The following CDH4 variants were observed in gnomAD, a reference collection of about 807,000 sequenced individuals.
CDH4 encodes the protein cadherin 4, also known as cadherin-4.
CDH4 carries 33 observed loss-of-function variants against 86.0 expected under a neutral mutation model. That is an observed-to-expected ratio of 0.38 (90% CI 0.29 to 0.51). The LOEUF is 0.51. Ranked by LOEUF, CDH4 falls within the 20% of genes least tolerant of loss-of-function variation. CDH4 has a pLI of 0.86. For missense variants in CDH4, 1,114 were observed against 1,307.4 expected, an observed-to-expected ratio of 0.85 and a Z score of 2.28; for synonymous variants, 555 against 549.4, an observed-to-expected ratio of 1.01 and a Z score of -0.14.
intron 3 of CDH4, among the ~76,000 whole-genome samples, chr20:61,758,331 C>T (rs567215036): frequency 4.6e-5 from 7 of 152,308 alleles, no homozygotes; most frequent in East Asian, 1.9e-4. Context: ...CCAGTCACAA[C>T]GTAATTACTC....
chr20:61,570,540 C>T, intron 2 of CDH4: 1 of 635,040 alleles, frequency 1.6e-6, no homozygotes, highest in South Asian at 1.8e-5. Context: ...CAAGGCACCT[C>T]TGCTTTACAT....
rs113295167 is a variant in CDH4, at chr20:61,623,168, G to C, written c.170-120395G>C. On this transcript the variant is annotated intron_variant, in intron 2 of 15. Coordinates refer to ENST00000614565, the MANE Select transcript of CDH4 (RefSeq NM_001794.5). The surrounding 1 kb of genome is among the most constrained non-coding windows in gnomAD (Gnocchi z 4.4). ...TGAGGATGTGGAGGTGGGAGTAGAA[G>C]GGCCTGGGTTCAAATCTCGACCCTG... 3.2e-3 allele frequency among the ~76,000 whole-genome samples: 482 copies of C among 152,294 alleles called. 1 individual carries two copies. The highest frequency in any genetic ancestry group is 0.011 in the African/African-American group (450 of 41,546).
At chr20:61,771,636 A>AAG (rs2088777213) in intron 3 of CDH4, among the ~76,000 whole-genome samples, 1 of 151,738 alleles carries the variant, frequency 6.6e-6, no homozygotes, top group Non-Finnish European at 1.5e-5. Flanking sequence ...AAAAAAAAAA[A>AAG]AAGGAAAAAA....
intron 2 of CDH4, among the ~76,000 whole-genome samples, chr20:61,587,164 G>A (rs2086483471): frequency 1.3e-5 from 2 of 152,216 alleles, no homozygotes; most frequent in Admixed American, 1.3e-4. Flanking sequence ...GCCCAGTGGG[G>A]AGGACAAGGA....
intron 2 of CDH4, among the ~76,000 whole-genome samples, chr20:61,548,534 T>A (rs1304665481): frequency 6.6e-6 from 1 of 152,160 alleles, no homozygotes; most frequent in Non-Finnish European, 1.5e-5. Context: ...CAAGCAGAAT[T>A]CTTGGGGCAA....
At chr20:61,592,755 C>G (rs1568701730) in intron 2 of CDH4, among the ~76,000 whole-genome samples, 1 of 152,170 alleles carries the variant, frequency 6.6e-6, no homozygotes, top group Non-Finnish European at 1.5e-5. Flanking sequence ...ACCCAGCACA[C>G]TGCCGTCATG....
At chr20:61,746,866 G>T (rs928284411) in intron 3 of CDH4, among the ~76,000 whole-genome samples, 1 of 152,206 alleles carries the variant, frequency 6.6e-6, no homozygotes, top group African/African-American at 2.4e-5. Context: ...GAGGAGGCAG[G>T]CAGGGAGTGG....
chr20:61,334,745 G>A (rs917418585), intron 2 of CDH4, among the ~76,000 whole-genome samples: 19 of 152,224 alleles, frequency 1.2e-4, no homozygotes, highest in Admixed American at 4.6e-4. Flanking sequence ...CAGGGCCTCC[G>A]TCTGTAGCCC....
intron 2 of CDH4, among the ~76,000 whole-genome samples, chr20:61,257,465 C>T (rs764451227): frequency 2.0e-5 from 3 of 152,242 alleles, no homozygotes; most frequent in Non-Finnish European, 4.4e-5. Context: ...AGCGGAGCCG[C>T]GAAGTATGGA....
chr20:61,589,635 C>T (rs2086502686), intron 2 of CDH4, among the ~76,000 whole-genome samples: 1 of 152,028 alleles, frequency 6.6e-6, no homozygotes, highest in African/African-American at 2.4e-5. Flanking sequence ...TGCTGGATGG[C>T]AAGGATTCAT....
chr20:61,434,378 C>T (rs757574345), intron 2 of CDH4, among the ~76,000 whole-genome samples: 3 of 152,194 alleles, frequency 2.0e-5, no homozygotes, highest in African/African-American at 4.8e-5. Flanking sequence ...CAACTCTAAG[C>T]CCCGAGTTAA....
At chr20:61,705,793 G>A (rs551159152) in intron 2 of CDH4, among the ~76,000 whole-genome samples, 4 of 152,214 alleles carry the variant, frequency 2.6e-5, no homozygotes, top group Non-Finnish European at 2.9e-5. Context: ...CTGCAGAATC[G>A]CCGACAGGCT....
At chr20:61,691,839 C>T (rs1198057399) in intron 2 of CDH4, among the ~76,000 whole-genome samples, 1 of 152,180 alleles carries the variant, frequency 6.6e-6, no homozygotes, top group African/African-American at 2.4e-5. Context: ...GACGTCCTTA[C>T]GCAGCACATG....
chr20:61,559,644 G>A (rs1371296615), intron 2 of CDH4, among the ~76,000 whole-genome samples: 5 of 146,808 alleles, frequency 3.4e-5, no homozygotes, highest in Admixed American at 1.4e-4. Context: ...TCAGCCTCCC[G>A]AGTAGCTGGG....
Position 61,814,453 on chromosome 20 carries a change from A to T in CDH4, c.577-30215A>T, listed in dbSNP as rs368122374. Among the ~76,000 whole-genome samples, 10 of 152,298 alleles carry T rather than the reference A, an allele frequency of 6.6e-5. No individual in the cohort carries two copies. In the East Asian group the frequency reaches 9.7e-4, roughly 15 times the overall value. ...CCTGGGAGGCTGCGGCCGCTCGACG[A>T]CGATCCCTGCAGACCCAGCCCCTCA... is the stretch of plus-strand genomic sequence containing the variant. On this transcript the variant is annotated intron_variant, in intron 4 of 15. Transcript: ENST00000614565.
At position 61,626,243 on chromosome 20, in the gene CDH4, G is replaced by A. The variant is rs535156619; in HGVS notation, c.170-117320G>A. Among the ~76,000 whole-genome samples, 154 of 152,282 alleles carry A rather than the reference G, an allele frequency of 1.0e-3. 2 individuals are homozygous for A. Among genetic ancestry groups the A allele is most frequent in the African/African-American group, 3.5e-3 (147 of 41,556 alleles). ...AACGGCGGAGCAGGCCAAGGGGTGG[G>A]GGTCAGTTTTAAATGGGACGTCAGA... is the stretch of plus-strand genomic sequence containing the variant. On this transcript the variant is annotated intron_variant, in intron 2 of 15. Transcript: ENST00000614565.
At chr20:61,514,306 G>GCCCCCCCCCCCCCCCC (rs1215793319) in intron 2 of CDH4, among the ~76,000 whole-genome samples, 35 of 125,802 alleles carry the variant, frequency 2.8e-4, no homozygotes, top group African/African-American at 1.1e-3. Flanking sequence ...GCCTCAGTCC[G>GCCCCCCCCCCCCCCCC]CCCCCCCCGC....
intron 2 of CDH4, among the ~76,000 whole-genome samples, chr20:61,430,981 C>A (rs1186216021): frequency 6.6e-6 from 1 of 152,150 alleles, no homozygotes; most frequent in Non-Finnish European, 1.5e-5. Flanking sequence ...TCCAAAATGC[C>A]CCAGACGCCT....
At chr20:61,861,658 G>A (rs1043019253) in intron 6 of CDH4, among the ~76,000 whole-genome samples, 1 of 152,120 alleles carries the variant, frequency 6.6e-6, no homozygotes, top group South Asian at 2.1e-4. Flanking sequence ...AGCTCAAGGC[G>A]TCGGGCCGAG....
Sources: gnomAD v4.1 joint callset for allele counts (sites outside exome capture counted in the v4.1 genomes callset) on GRCh38, gnomAD v4.1.1 for gene constraint, Gnocchi (gnomAD v3.1) non-coding constraint, MANE v1.5 for transcripts, NCBI Gene and HGNC (gene_info 2026-07-23, HGNC 2026-07-21) for gene names.